Variants in KDM4C observed in about 807,000 individuals in gnomAD.
KDM4C encodes lysine demethylase 4C, also known as lysine-specific demethylase 4C.
KDM4C carries 81 observed loss-of-function variants against 129.3 expected under a neutral mutation model. The ratio of observed to expected loss-of-function variants is 0.63; its 90% CI spans 0.52 to 0.75. The LOEUF is 0.75. KDM4C is among the 30% of genes least tolerant of loss of function. The probability of loss-of-function intolerance (pLI) is 0.00; values close to 1 mark genes in which losing one functional copy is unlikely to be tolerated. For missense variants in KDM4C, 1,457 were observed against 1,304.0 expected (o/e 1.12, Z -1.81); for synonymous variants, 573 against 456.1 (o/e 1.26, Z -3.26).
chr9:7,077,483 A>G (rs150185580), intron 17 of KDM4C, among the ~76,000 whole-genome samples: 4 of 152,328 alleles, frequency 2.6e-5, no homozygotes, highest in Non-Finnish European at 5.9e-5. Flanking sequence ...TTGTCTAGTA[A>G]TCTTCCAACA....
chr9:6,929,093 C>A (rs2131288095), intron 8 of KDM4C, among the ~76,000 whole-genome samples: 1 of 152,344 alleles, frequency 6.6e-6, no homozygotes, highest in Non-Finnish European at 1.5e-5. Context: ...CAACTGCTTC[C>A]TCTTTTGTGA....
At chr9:6,736,768 C>T (rs1218387477) in intron 1 of KDM4C, among the ~76,000 whole-genome samples, 3 of 152,046 alleles carry the variant, frequency 2.0e-5, no homozygotes, top group African/African-American at 7.2e-5. Context: ...AAATCAGTAT[C>T]CACCAGGAGC....
At chr9:6,867,420 A>C (rs1842210768) in intron 5 of KDM4C, among the ~76,000 whole-genome samples, 1 of 152,236 alleles carries the variant, frequency 6.6e-6, no homozygotes, top group African/African-American at 2.4e-5. Flanking sequence ...TGATATTTGA[A>C]TAAATGATCA....
intron 8 of KDM4C, among the ~76,000 whole-genome samples, chr9:6,972,595 G>A (rs1389749977): frequency 6.6e-6 from 1 of 152,126 alleles, no homozygotes; most frequent in Non-Finnish European, 1.5e-5. Flanking sequence ...AAACATTCTG[G>A]TATGTGTTGC....
intron 4 of KDM4C, chr9:6,835,320 C>G: frequency 1.1e-6 from 1 of 942,908 alleles, no homozygotes; most frequent in South Asian, 1.3e-5. Flanking sequence ...TGGACATCCA[C>G]AAAGACCTTT....
intron 7 of KDM4C, among the ~76,000 whole-genome samples, chr9:6,891,766 A>G (rs571778669): frequency 9.9e-5 from 15 of 152,250 alleles, no homozygotes; most frequent in South Asian, 2.1e-4. Flanking sequence ...AAATGTAGCT[A>G]TTACTGTTTC....
At position 6,774,658 on chromosome 9, in the gene KDM4C, A is replaced by G. The variant is rs190939434; in HGVS notation, c.-18+16455A>G. Among the ~76,000 whole-genome samples, 505 of 152,288 alleles carry G rather than the reference A, an allele frequency of 3.3e-3. 3 individuals are homozygous for G. The highest frequency in any genetic ancestry group is 0.012 in the African/African-American group (486 of 41,562). On this transcript the variant is annotated intron_variant, in intron 1 of 21. Coordinates refer to ENST00000381309, the MANE Select transcript of KDM4C (RefSeq NM_015061.6). ...CCAGCATGGGTGACAGAGTGTTTAAAAAAAAAATTTTAACATAGCATTAAA... is the reference window on the plus strand; with the variant it reads ...CCAGCATGGGTGACAGAGTGTTTAAGAAAAAAATTTTAACATAGCATTAAA...
intron 8 of KDM4C, among the ~76,000 whole-genome samples, chr9:6,906,876 A>C (rs1818416748): frequency 6.6e-6 from 1 of 152,260 alleles, no homozygotes; most frequent in South Asian, 2.1e-4. Flanking sequence ...AGTATGGCAA[A>C]AATGAAAACA....
chr9:6,854,525 C>CAAAAAAAAAAAAAAA (rs1177446839), intron 5 of KDM4C, among the ~76,000 whole-genome samples: 34 of 41,290 alleles, frequency 8.2e-4, no homozygotes, highest in Non-Finnish European at 1.1e-3. Flanking sequence ...AACTCCGTCT[C>CAAAAAAAAAAAAAAA]AAAAAAAAAA....
chr9:7,044,675 C>A (rs562032098), intron 15 of KDM4C, among the ~76,000 whole-genome samples: 1 of 151,906 alleles, frequency 6.6e-6, no homozygotes, highest in East Asian at 1.9e-4. Flanking sequence ...TTCAGTTTTG[C>A]ATGTGTGTTT....
intron 5 of KDM4C, among the ~76,000 whole-genome samples, chr9:6,861,886 C>G (rs1252260634): frequency 6.6e-6 from 1 of 151,882 alleles, no homozygotes; most frequent in African/African-American, 2.4e-5. Flanking sequence ...ATTCTCCTGC[C>G]TCAGCCTTCC....
chr9:6,941,395 T>G (rs1334515543), intron 8 of KDM4C, among the ~76,000 whole-genome samples: 3 of 152,238 alleles, frequency 2.0e-5, no homozygotes, highest in African/African-American at 7.2e-5. Context: ...GTAAATTTGT[T>G]TCTTATAGAT....
intron 5 of KDM4C, among the ~76,000 whole-genome samples, chr9:6,858,637 G>A (rs995485672): frequency 6.6e-6 from 1 of 152,064 alleles, no homozygotes; most frequent in South Asian, 2.1e-4. Context: ...GCCGGGTGTG[G>A]TGACGTGCGC....
At chr9:6,769,891 A>G (rs1297456801) in intron 1 of KDM4C, among the ~76,000 whole-genome samples, 1 of 152,228 alleles carries the variant, frequency 6.6e-6, no homozygotes, top group Non-Finnish European at 1.5e-5. Context: ...TATTAAAACC[A>G]TGTGTTACGC....
chr9:7,082,214 G>GATTTCTTTCCTCT, intron 17 of KDM4C, among the ~76,000 whole-genome samples: 1 of 152,138 alleles, frequency 6.6e-6, no homozygotes, highest in South Asian at 2.1e-4. Flanking sequence ...AATCCTCCTG[G>GATTTCTTTCCTCT]AATGGGCATT....
intron 17 of KDM4C, among the ~76,000 whole-genome samples, chr9:7,057,720 A>C (rs1362004992): frequency 6.6e-6 from 1 of 152,200 alleles, no homozygotes; most frequent in Non-Finnish European, 1.5e-5. Context: ...ATTTTCTTTG[A>C]ATGGAGGCCT....
intron 16 of KDM4C, among the ~76,000 whole-genome samples, chr9:7,047,885 C>T (rs1006327748): frequency 1.3e-5 from 2 of 151,970 alleles, no homozygotes; most frequent in African/African-American, 4.8e-5. Context: ...CGCCTGGCCC[C>T]CTGGGCACTG....
At chr9:7,144,450 A>G (rs1564173561) in intron 19 of KDM4C, among the ~76,000 whole-genome samples, 1 of 152,186 alleles carries the variant, frequency 6.6e-6, no homozygotes, top group Non-Finnish European at 1.5e-5. Context: ...AGGTTAAATT[A>G]TAGGCAGCTC....
intron 15 of KDM4C, among the ~76,000 whole-genome samples, chr9:7,038,104 C>T (rs980475690): frequency 6.6e-6 from 1 of 151,680 alleles, no homozygotes; most frequent in African/African-American, 2.4e-5. Flanking sequence ...TCATAGGTGC[C>T]GTTTTAAATT....
Sources: gnomAD v4.1 joint callset for allele counts (sites outside exome capture counted in the v4.1 genomes callset) on GRCh38, gnomAD v4.1.1 for gene constraint, MANE v1.5 for transcripts, NCBI Gene and HGNC (gene_info 2026-07-23, HGNC 2026-07-21) for gene names.